NECAP1: variants seen among roughly 807,000 people sequenced by gnomAD.
NECAP1 encodes the protein adaptin ear-binding coat-associated protein 1.
NECAP1 carries 13 observed loss-of-function variants against 33.4 expected under a neutral mutation model. The observed-to-expected ratio is 0.39, with a 90% CI of 0.25 to 0.62. The LOEUF (loss-of-function observed/expected upper bound fraction) is 0.62, where lower values mean the gene tolerates loss of function less well. Among genes scored for constraint, NECAP1 ranks in the 20% least tolerant of loss-of-function variants. The pLI is 0.52. For synonymous variants in NECAP1, 109 were observed against 125.2 expected (o/e 0.87, Z 0.86); for missense variants, 272 against 347.4 (o/e 0.78, Z 1.73).
At chr12:8,087,778 T>G (rs1947505581) in intron 1 of NECAP1, among the ~76,000 whole-genome samples, 1 of 152,156 alleles carries the variant, frequency 6.6e-6, no homozygotes, top group Non-Finnish European at 1.5e-5. Flanking sequence ...ATGAGGAACT[T>G]TAGAGCTCTC....
intron 1 of NECAP1, chr12:8,082,774 T>A (rs796115672): frequency 6.1e-4 from 86 of 141,656 alleles, no homozygotes; most frequent in South Asian, 2.2e-3. Flanking sequence ...TCTCTCTCTC[T>A]CACACACACA....
chr12:8,084,157 C>T (rs932752454), intron 1 of NECAP1, among the ~76,000 whole-genome samples: 1 of 152,046 alleles, frequency 6.6e-6, no homozygotes, highest in African/African-American at 2.4e-5. Flanking sequence ...TTATTTTGCC[C>T]CTTACTGGCG....
At chr12:8,090,174 A>T in intron 2 of NECAP1, 21 bp from the exon 3 acceptor site, 1 of 1,613,250 alleles carries the variant, frequency 6.2e-7, no homozygotes, top group East Asian at 2.2e-5. Flanking sequence ...TACTCAAAAA[A>T]GTCTTTCTCT....
Position 8,091,824 on chromosome 12 carries a change from T to C in NECAP1, c.357T>C (p.Phe119=). 1.2e-6 allele frequency: 2 copies of C among 1,613,812 alleles called. No homozygotes were observed. The highest frequency in any genetic ancestry group is 2.2e-5 in the East Asian group (1 of 44,890). ...CAGATCGGGGAGATGCCTTCGACTT[T>C]AATGTCTCCTTGCAGGATCACTTCA... ...GFTDRGDAFD[F]NVSLQDHFKW... Residue 119 remains phenylalanine, a synonymous_variant, in exon 4 of 8, where the codon TTT becomes TTC. Transcript: ENST00000339754.
At chr12:8,095,791 T>C in intron 7 of NECAP1, 88 bp downstream of exon 7, 1 of 1,336,738 alleles carries the variant, frequency 7.5e-7, no homozygotes, top group Non-Finnish European at 1.1e-6. Flanking sequence ...GGAGAAGCAA[T>C]GGATATGCAG....
rs1471621965 is a variant in NECAP1, at chr12:8,087,018, A to ATTT, written c.96-2918_96-2917insTTT. Among the ~76,000 whole-genome samples, 240 of 144,330 alleles carry ATTT rather than the reference A, an allele frequency of 1.7e-3. 1 individual carries two copies. Among genetic ancestry groups the ATTT allele is most frequent in the African/African-American group, 4.2e-3 (166 of 39,372 alleles). The allele number at this position is 144,330 out of a possible 152,430, so 94.7% of individuals were successfully genotyped here. On this transcript the variant is annotated intron_variant, in intron 1 of 7. Transcript: ENST00000339754. Reference sequence around the variant, plus strand: ...ACCTATAAAACTATTTTTTTTTAAAAAAAAATTCTTCACTACCCTCTTCCC... The same window carrying ATTT: ...ACCTATAAAACTATTTTTTTTTAAAATTTAAAAATTCTTCACTACCCTCTTCCC...
rs1169513895 is a variant in NECAP1, at chr12:8,097,539, A to T, written c.*1449A>T. The stretch of plus-strand genomic sequence containing the variant: ...TCTATTCTTGCAGAGCCATAGCAGG[A>T]CATGTTAAAATTCCAATAGAAAACA... On this transcript the variant is annotated 3_prime_UTR_variant, in exon 8 of 8. Coordinates refer to ENST00000339754, the MANE Select transcript of NECAP1 (RefSeq NM_015509.4). 6.6e-6 allele frequency: 1 copy of T among 152,590 alleles called. No individual in the cohort carries two copies. Among genetic ancestry groups the T allele is most frequent in the African/African-American group, 2.4e-5 (1 of 41,436 alleles). The allele number at this position is 152,590 out of a possible 1,614,324, so 9.5% of individuals were successfully genotyped here. A position where few individuals can be genotyped will look rare whatever the true frequency, so the allele number is the denominator to read the frequency against.
At chr12:8,088,855 G>T (rs1160789493) in intron 1 of NECAP1, 1 of 152,134 alleles carries the variant, frequency 6.6e-6, no homozygotes, top group Non-Finnish European at 1.5e-5. Flanking sequence ...TGGGCTAGCT[G>T]TTCCTTATGT....
Position 8,096,190 on chromosome 12 carries a change from C to T in NECAP1, c.*100C>T. 6.6e-6 allele frequency: 8 copies of T among 1,204,420 alleles called. No homozygotes were observed. Among genetic ancestry groups the T allele is most frequent in the Middle Eastern group, 2.5e-4 (1 of 3,926 alleles). 74.6% of individuals were successfully genotyped at this position (1,204,420 alleles called of 1,614,324 possible). Reference sequence around the variant, plus strand: ...TTAGGAACCCATTTCCTCCCCAGAACCAGAATGACTGGACAATCTTTTTCA... The same window carrying T: ...TTAGGAACCCATTTCCTCCCCAGAATCAGAATGACTGGACAATCTTTTTCA... On this transcript the variant is annotated 3_prime_UTR_variant, in exon 8 of 8. Transcript: ENST00000339754.
In NECAP1 at chr12:8,096,039, C is replaced by T. The variant is rs771649262; in HGVS notation, c.780-3C>T. The stretch of plus-strand genomic sequence containing the variant: ...TGGCTTTCTCTGTTCTCCTGTCTTG[C>T]AGCTCTGTTCCAAACCAGGCACCAC... On this transcript the variant is annotated splice_region_variant and splice_polypyrimidine_tract_variant and intron_variant, in intron 7 of 7. Transcript: ENST00000339754. The T allele has an allele frequency of 4.3e-6, 7 of 1,613,956 alleles. No homozygotes were observed. Among genetic ancestry groups the T allele is most frequent in the Non-Finnish European group, 5.9e-6 (7 of 1,179,980 alleles).
intron 3 of NECAP1, chr12:8,090,839 A>G (rs950174325): frequency 1.3e-5 from 2 of 155,098 alleles, no homozygotes; most frequent in African/African-American, 4.9e-5. Context: ...TTGCCCGTTT[A>G]TTGTTCGTGG....
At chr12:8,089,192 C>T (rs1476853866) in intron 1 of NECAP1, 1 of 151,974 alleles carries the variant, frequency 6.6e-6, no homozygotes, top group Non-Finnish European at 1.5e-5. Context: ...ATGCATCTGT[C>T]CTAATAAGTA....
rs1378642892 is a variant in NECAP1 at position 8,097,190 on chromosome 12, A to G, written c.*1100A>G. ...GACAGGTTTTGCCCAAGGCTTTGAT[A>G]CCTGTCACCCAGGGTATCTTAAAAG... On this transcript the variant is annotated 3_prime_UTR_variant, in exon 8 of 8. Coordinates refer to ENST00000339754, the MANE Select transcript of NECAP1 (RefSeq NM_015509.4). The G allele has an allele frequency of 6.6e-6, 1 of 152,606 alleles. No homozygotes were observed. Among genetic ancestry groups the G allele is most frequent in the Non-Finnish European group, 1.5e-5 (1 of 68,030 alleles). 9.5% of individuals were successfully genotyped at this position (152,606 alleles called of 1,614,324 possible). A position where few individuals can be genotyped will look rare whatever the true frequency, so the allele number is the denominator to read the frequency against.
chr12:8,091,547 C>CT (rs1947544020), intron 3 of NECAP1: 1 of 553,140 alleles, frequency 1.8e-6, no homozygotes, highest in Non-Finnish European at 3.3e-6. Flanking sequence ...TCACACCCCT[C>CT]TGAGAATCTA....
At chr12:8,091,672 T>C (rs1947545330) in intron 3 of NECAP1, 97 bp from the exon 4 acceptor site, 2 of 1,004,618 alleles carry the variant, frequency 2.0e-6, no homozygotes, top group Non-Finnish European at 3.1e-6. Context: ...TCCTGCTGCA[T>C]GGCCTGGTTT....
chr12:8,092,143 G>T, intron 4 of NECAP1: 1 of 406,668 alleles, frequency 2.5e-6, no homozygotes, highest in Non-Finnish European at 4.5e-6. Context: ...GGTAACAGCA[G>T]GGCTTTATGT....
In NECAP1 at chr12:8,092,921, G is replaced by A. The variant is rs753415798; in HGVS notation, c.542G>A (p.Gly181Asp). ...GGASKPRTARGGGLSLLPPPP... is the reference protein window; with the variant it reads ...GGASKPRTARDGGLSLLPPPP... Reference sequence around the variant, plus strand: ...GCTTCTAAGCCCAGGACTGCAAGGGGTGGGGGTCTGAGCTTACTCCCACCC... The same window carrying A: ...GCTTCTAAGCCCAGGACTGCAAGGGATGGGGGTCTGAGCTTACTCCCACCC... Residue 181 changes from glycine (G) to aspartate (D), a missense_variant, in exon 6 of 8, where the codon GGT becomes GAT. Physicochemically the swap from Gly to Asp is moderately conservative, Grantham distance 94. Coordinates refer to ENST00000339754, the MANE Select transcript of NECAP1 (RefSeq NM_015509.4). 1 of 1,594,336 alleles carries A rather than the reference G, an allele frequency of 6.3e-7. No homozygotes were observed. The highest frequency in any genetic ancestry group is 2.2e-5 in the East Asian group (1 of 44,716).
chr12:8,086,369 T>G (rs1386377216), intron 1 of NECAP1, among the ~76,000 whole-genome samples: 2 of 152,078 alleles, frequency 1.3e-5, no homozygotes, highest in Non-Finnish European at 2.9e-5. Flanking sequence ...TCCCAGGACT[T>G]TGGGAGGCCG....
intron 3 of NECAP1, chr12:8,091,519 T>C: frequency 2.0e-6 from 1 of 503,456 alleles, no homozygotes; most frequent in East Asian, 3.6e-5. Flanking sequence ...CCCTCACATG[T>C]GCAGTTCACA....
Sources: gnomAD v4.1 joint callset for allele counts (sites outside exome capture counted in the v4.1 genomes callset) on GRCh38, gnomAD v4.1.1 for gene constraint, MANE v1.5 for transcripts, NCBI Gene and HGNC (gene_info 2026-07-23, HGNC 2026-07-21) for gene names.